The following DCC variants were observed in gnomAD, a reference collection of about 807,000 sequenced individuals.
DCC encodes netrin receptor DCC.
A neutral mutation model predicts 172.5 loss-of-function variants in DCC; 58 were observed. That is an observed-to-expected ratio of 0.34 (90% CI 0.27 to 0.42). The LOEUF is 0.42. Ranked by LOEUF, DCC falls within the 10% of genes least tolerant of loss-of-function variation. DCC has a pLI of 1.00. For missense variants in DCC, 1,740 were observed against 1,791.0 expected, an observed-to-expected ratio of 0.97 and a Z score of 0.51; for synonymous variants, 709 against 644.5, an observed-to-expected ratio of 1.10 and a Z score of -1.52.
chr18:53,048,357 A>G (rs2042287087), intron 5 of DCC, among the ~76,000 whole-genome samples: 1 of 151,616 alleles, frequency 6.6e-6, no homozygotes, highest in Non-Finnish European at 1.5e-5. Flanking sequence ...GCTCCCGCTT[A>G]TAAGTGAGAA....
chr18:52,767,970 A>G (rs916966876), intron 2 of DCC, among the ~76,000 whole-genome samples: 1 of 152,240 alleles, frequency 6.6e-6, no homozygotes, highest in Non-Finnish European at 1.5e-5. Context: ...CACAATGACA[A>G]TAACAAGGAG....
intron 1 of DCC, among the ~76,000 whole-genome samples, chr18:52,576,829 C>CAAAA (rs35498084): frequency 2.4e-5 from 3 of 127,058 alleles, no homozygotes; most frequent in Non-Finnish European, 4.9e-5. Context: ...GCCTCCATCT[C>CAAAA]AAAAAAAAAA....
At chr18:53,440,613 C>T (rs1375542513) in intron 22 of DCC, among the ~76,000 whole-genome samples, 1 of 151,760 alleles carries the variant, frequency 6.6e-6, no homozygotes, top group Non-Finnish European at 1.5e-5. Flanking sequence ...TATTAGAAGA[C>T]ACCCAATGCT....
intron 26 of DCC, among the ~76,000 whole-genome samples, chr18:53,488,398 T>C (rs2045926003): frequency 6.6e-6 from 1 of 152,152 alleles, no homozygotes; most frequent in Non-Finnish European, 1.5e-5. Flanking sequence ...AAAAAGAATG[T>C]GTAGAATGAC....
intron 2 of DCC, among the ~76,000 whole-genome samples, chr18:52,805,657 C>T (rs2038071965): frequency 6.6e-6 from 1 of 152,208 alleles, no homozygotes; most frequent in African/African-American, 2.4e-5. Context: ...AAAGAAACTA[C>T]TTTCAGTAAA....
intron 12 of DCC, among the ~76,000 whole-genome samples, chr18:53,235,526 T>C (rs2056188694): frequency 6.6e-6 from 1 of 152,176 alleles, no homozygotes. Context: ...GAGAAAACTA[T>C]GAAAGTATCA....
intron 2 of DCC, among the ~76,000 whole-genome samples, chr18:52,840,033 T>C (rs1438823066): frequency 1.3e-5 from 2 of 152,166 alleles, no homozygotes; most frequent in Admixed American, 1.3e-4. Flanking sequence ...AGGTTTCTCG[T>C]TCATTAGTTC....
intron 26 of DCC, among the ~76,000 whole-genome samples, chr18:53,497,229 G>C (rs2046035552): frequency 6.6e-6 from 1 of 152,164 alleles, no homozygotes; most frequent in Non-Finnish European, 1.5e-5. Context: ...AGAAGCCAAA[G>C]CATTTTCACT....
At chr18:53,292,754 G>A (rs1188322137) in intron 12 of DCC, among the ~76,000 whole-genome samples, 3 of 152,122 alleles carry the variant, frequency 2.0e-5, no homozygotes, top group Non-Finnish European at 2.9e-5. Flanking sequence ...AATTGTCTTT[G>A]AGAAGCAAAA....
At chr18:52,645,233 C>A (rs1321050277) in intron 1 of DCC, among the ~76,000 whole-genome samples, 3 of 152,058 alleles carry the variant, frequency 2.0e-5, no homozygotes, top group Admixed American at 6.5e-5. Context: ...AGTAGTTCAT[C>A]GCAGCTAGTA....
chr18:52,756,785 C>A (rs1910683244), intron 2 of DCC, among the ~76,000 whole-genome samples: 1 of 152,230 alleles, frequency 6.6e-6, no homozygotes, highest in South Asian at 2.1e-4. Context: ...CCTCCCAAGG[C>A]TGTGGTAATT....
intron 1 of DCC, among the ~76,000 whole-genome samples, chr18:52,534,060 A>G (rs2032222813): frequency 6.6e-6 from 1 of 152,160 alleles, no homozygotes; most frequent in South Asian, 2.1e-4. Flanking sequence ...CCACCAAATA[A>G]TGTCCTACTG....
intron 1 of DCC, among the ~76,000 whole-genome samples, chr18:52,387,547 G>A (rs1985849510): frequency 6.7e-6 from 1 of 150,288 alleles, no homozygotes; most frequent in South Asian, 2.1e-4. Context: ...TGCAAGGGAG[G>A]GCAAAGCCAG....
intron 2 of DCC, among the ~76,000 whole-genome samples, chr18:52,814,965 C>A (rs575215733): frequency 6.6e-6 from 1 of 152,098 alleles, no homozygotes; most frequent in South Asian, 2.1e-4. Context: ...ATGGGTCATT[C>A]AAATGTGGTG....
chr18:52,925,106 C>A (rs2040181029), intron 4 of DCC, 128 bp from the exon 5 acceptor site: 2 of 909,514 alleles, frequency 2.2e-6, no homozygotes, highest in South Asian at 1.4e-5. Flanking sequence ...TTTAATCAAG[C>A]CCTTATGATA....
intron 5 of DCC, among the ~76,000 whole-genome samples, chr18:53,030,857 C>G (rs1262109470): frequency 6.6e-6 from 1 of 152,188 alleles, no homozygotes; most frequent in Non-Finnish European, 1.5e-5. Context: ...TACCTGCACA[C>G]TAGGAGGCAG....
intron 1 of DCC, among the ~76,000 whole-genome samples, chr18:52,467,011 G>T (rs1988803726): frequency 6.6e-6 from 1 of 151,028 alleles, no homozygotes; most frequent in African/African-American, 2.4e-5. Flanking sequence ...ATCACTCTTT[G>T]TGTGGTTCTT....
chr18:52,757,860 C>A (rs1473873008), intron 2 of DCC, among the ~76,000 whole-genome samples: 3 of 151,970 alleles, frequency 2.0e-5, no homozygotes, highest in Admixed American at 2.0e-4. Flanking sequence ...AGCTCTATGG[C>A]CAGAGATTGG....
Position 53,499,557 on chromosome 18 carries a change from G to A in DCC, c.4111+47G>A, listed in dbSNP as rs149991904. On this transcript the variant is annotated intron_variant, in intron 27 of 28. Transcript: ENST00000442544. ...CTTTAAAATTCTTATTATTATTGGT[G>A]CCTCTATTTAAGTGCATGAGGGTGC... is the stretch of plus-strand genomic sequence containing the variant. The A allele has an allele frequency of 1.1e-4, 168 of 1,497,992 alleles. No individual in the cohort carries two copies. In the African/African-American group the frequency reaches 2.1e-3, roughly 18 times the overall value. 92.8% of individuals were successfully genotyped at this position (1,497,992 alleles called of 1,614,324 possible). A position where few individuals can be genotyped will look rare whatever the true frequency, so the allele number is the denominator to read the frequency against.
Sources: gnomAD v4.1 joint callset for allele counts (sites outside exome capture counted in the v4.1 genomes callset) on GRCh38, gnomAD v4.1.1 for gene constraint, MANE v1.5 for transcripts, NCBI Gene and HGNC (gene_info 2026-07-23, HGNC 2026-07-21) for gene names.